Variants in FAM124A observed in about 807,000 individuals in gnomAD.
The protein encoded by FAM124A is family with sequence similarity 124 member A, also known as protein FAM124A.
FAM124A carries 23 observed loss-of-function variants against 24.5 expected under a neutral mutation model. The ratio of observed to expected loss-of-function variants is 0.94; its 90% confidence interval spans 0.68 to 1.33. The LOEUF is 1.33. FAM124A is among the 40% of genes most tolerant of loss of function. The probability of loss-of-function intolerance (pLI) is 0.00; values close to 1 mark genes in which losing one functional copy is unlikely to be tolerated. For missense variants in FAM124A, 623 were observed against 722.8 expected, an observed-to-expected ratio of 0.86 and a Z score of 1.58; for synonymous variants, 287 against 314.7, an observed-to-expected ratio of 0.91 and a Z score of 0.93.
At chr13:51,276,206 G>A (rs1187315736) in intron 3 of FAM124A, among the ~76,000 whole-genome samples, 1 of 152,136 alleles carries the variant, frequency 6.6e-6, no homozygotes, top group Non-Finnish European at 1.5e-5. Context: ...AGAGGTATGC[G>A]GGGTGAAGCT....
intron 3 of FAM124A, among the ~76,000 whole-genome samples, chr13:51,278,940 C>T (rs1954910326): frequency 6.6e-6 from 1 of 152,180 alleles, no homozygotes; most frequent in South Asian, 2.1e-4. Context: ...CCTTCTGCTC[C>T]TCATAAAGCA....
intron 3 of FAM124A, among the ~76,000 whole-genome samples, chr13:51,262,166 C>T (rs1231201118): frequency 1.3e-5 from 2 of 152,228 alleles, no homozygotes; most frequent in Non-Finnish European, 2.9e-5. Flanking sequence ...AAAGCAGAGA[C>T]CAAATCCTGT....
chr13:51,251,661 G>A lies in FAM124A; in HGVS notation c.294G>A (p.Gln98=), dbSNP rs372094505. ...RRRRKPPKGA[Q]PALAVVLFLQ... is the part of the protein sequence containing the mutation. ...GGCGGAAGCCCCCCAAGGGCGCTCA[G>A]CCAGCGCTGGCTGTGGTGCTGTTCC... Residue 98 remains glutamine (Q), a synonymous_variant, in exon 3 of 4, where the codon CAG becomes CAA. Transcript: ENST00000322475. This position sits in a 1 kb window ranked among gnomAD's most constrained non-coding sequence, Gnocchi z 5.3. 66 of 1,584,098 alleles carry A rather than the reference G, an allele frequency of 4.2e-5. No homozygotes were observed. The African/African-American group carries it at 7.8e-4, about 19-fold the overall frequency.
At chr13:51,236,986 G>A (rs1019696486) in intron 2 of FAM124A, among the ~76,000 whole-genome samples, 1 of 152,138 alleles carries the variant, frequency 6.6e-6, no homozygotes, top group Non-Finnish European at 1.5e-5. Flanking sequence ...TATTGAACTT[G>A]CTTAATTTTG....
chr13:51,231,805 C>A (rs1417921833), intron 2 of FAM124A, among the ~76,000 whole-genome samples: 1 of 152,210 alleles, frequency 6.6e-6, no homozygotes, highest in East Asian at 1.9e-4. Flanking sequence ...AATATCCTTC[C>A]CTCTCCAATG....
intron 2 of FAM124A, among the ~76,000 whole-genome samples, chr13:51,238,339 G>T (rs1954457676): frequency 6.6e-6 from 1 of 152,222 alleles, no homozygotes; most frequent in Admixed American, 6.5e-5. Context: ...CCAGTAAGTT[G>T]TATGTACTGA....
At chr13:51,238,584 A>G (rs1431234176) in intron 2 of FAM124A, among the ~76,000 whole-genome samples, 1 of 152,252 alleles carries the variant, frequency 6.6e-6, no homozygotes, top group African/African-American at 2.4e-5. Flanking sequence ...ATTCTAAAAC[A>G]CGGGATATAT....
At chr13:51,266,861 TTA>T (rs1954790599) in intron 3 of FAM124A, among the ~76,000 whole-genome samples, 1 of 152,188 alleles carries the variant, frequency 6.6e-6, no homozygotes, top group East Asian at 1.9e-4. Flanking sequence ...CAGGAGGAAT[TTA>T]TGTCATGCCT....
rs776764205 is a variant in FAM124A at position 51,281,034 on chromosome 13, A to G, written c.1419A>G (p.Thr473=). The change falls in exon 4 of 4, where the codon ACA becomes ACG. Residue 473 remains threonine (T), a synonymous_variant. Coordinates refer to ENST00000322475, the MANE Select transcript of FAM124A (RefSeq NM_001242312.2). ...TGCCCACTGTCAGCAGGGTGACCAC[A>G]GAGGCCTCCTGGGCTTCCCTCCCTT... ...GPLPTVSRVT[T]EASWASLPFF... is the part of the protein sequence containing the mutation. 1 of 1,613,978 alleles carries G rather than the reference A, an allele frequency of 6.2e-7. No individual in the cohort carries two copies. The highest frequency in any genetic ancestry group is 1.1e-5 in the South Asian group (1 of 91,072).
chr13:51,234,195 C>CA (rs1368092624), intron 2 of FAM124A, among the ~76,000 whole-genome samples: 21 of 152,226 alleles, frequency 1.4e-4, no homozygotes, highest in African/African-American at 5.1e-4. Context: ...ACTCAACATT[C>CA]ACGTGATGCT....
chr13:51,254,227 T>G (rs948248119), intron 3 of FAM124A, among the ~76,000 whole-genome samples: 8 of 152,224 alleles, frequency 5.3e-5, no homozygotes, highest in Admixed American at 1.3e-4. Flanking sequence ...AATGGAGCTA[T>G]ATATTGAAGA....
rs75730785 is a variant in FAM124A at position 51,241,416 on chromosome 13, C to T, written c.100+10037C>T. On this transcript the variant is annotated intron_variant, in intron 2 of 3. Coordinates refer to ENST00000322475, the MANE Select transcript of FAM124A (RefSeq NM_001242312.2). ...ACAAAGGCAAGGACAAGCTATGTCT[C>T]CTCTTACTTGGAGTCCTTGGGGCAG... Among the ~76,000 whole-genome samples the T allele has an allele frequency of 5.9e-5, 9 of 152,338 alleles. No homozygotes were observed. In the East Asian group the frequency reaches 1.7e-3, roughly 29 times the overall value.
intron 3 of FAM124A, 117 bp downstream of exon 3, chr13:51,252,318 C>A (rs1442659095): frequency 8.1e-6 from 11 of 1,364,240 alleles, no homozygotes; most frequent in Non-Finnish European, 1.1e-5. Flanking sequence ...ATCAGTGACC[C>A]TCTGCCCAGC....
chr13:51,234,278 C>T (rs1954412093), intron 2 of FAM124A, among the ~76,000 whole-genome samples: 2 of 152,170 alleles, frequency 1.3e-5, no homozygotes, highest in South Asian at 4.1e-4. Flanking sequence ...GAGCATCGAC[C>T]TTGTTGCCTG....
At chr13:51,245,251 G>A (rs1229508054) in intron 2 of FAM124A, 23 of 569,038 alleles carry the variant, frequency 4.0e-5, no homozygotes, top group Non-Finnish European at 6.4e-5. Flanking sequence ...AGGACTAGGT[G>A]TGCCATTTGC....
At chr13:51,246,976 G>A (rs1954571229) in intron 2 of FAM124A, among the ~76,000 whole-genome samples, 1 of 152,246 alleles carries the variant, frequency 6.6e-6, no homozygotes, top group Admixed American at 6.5e-5. Flanking sequence ...CCCACCTGTG[G>A]TGCTGGCCTG....
At chr13:51,266,567 C>G (rs922661887) in intron 3 of FAM124A, among the ~76,000 whole-genome samples, 1 of 152,138 alleles carries the variant, frequency 6.6e-6, no homozygotes, top group Non-Finnish European at 1.5e-5. Flanking sequence ...AACAACACTG[C>G]AAGTTTATAG....
At chr13:51,240,337 T>A (rs1954478127) in intron 2 of FAM124A, among the ~76,000 whole-genome samples, 2 of 152,248 alleles carry the variant, frequency 1.3e-5, no homozygotes, top group Admixed American at 1.3e-4. Flanking sequence ...CTCCCCTTTT[T>A]ATTTTGACCT....
intron 3 of FAM124A, among the ~76,000 whole-genome samples, chr13:51,278,368 GA>G (rs972234981): frequency 6.6e-6 from 1 of 152,182 alleles, no homozygotes; most frequent in African/African-American, 2.4e-5. Context: ...ACCACCAGGG[GA>G]ACAGCACATA....
Sources: gnomAD v4.1 joint callset for allele counts (sites outside exome capture counted in the v4.1 genomes callset) on GRCh38, gnomAD v4.1.1 for gene constraint, Gnocchi (gnomAD v3.1) non-coding constraint, MANE v1.5 for transcripts, NCBI Gene and HGNC (gene_info 2026-07-23, HGNC 2026-07-21) for gene names.